The following NHSL1 variants were observed in gnomAD, a reference collection of about 807,000 sequenced individuals.
NHSL1 encodes NHS-like protein 1.
A neutral mutation model predicts 95.0 loss-of-function variants in NHSL1; 48 were observed. The observed-to-expected ratio is 0.51, with a 90% confidence interval of 0.40 to 0.64. The LOEUF is 0.64. Among genes scored for constraint, NHSL1 ranks in the 30% least tolerant of loss-of-function variants. The probability of loss-of-function intolerance (pLI) is 0.00; values close to 1 mark genes in which losing one functional copy is unlikely to be tolerated. For synonymous variants in NHSL1, 783 were observed against 833.9 expected (o/e 0.94, Z 1.05); for missense variants, 1,971 against 2,077.7 (o/e 0.95, Z 1.00).
intron 1 of NHSL1, among the ~76,000 whole-genome samples, chr6:138,544,178 G>A (rs1782692911): frequency 6.6e-6 from 1 of 152,026 alleles, no homozygotes. Context: ...CTGCACTGTG[G>A]AAATTACACT....
intron 3 of NHSL1, chr6:138,464,336 G>A (rs1343238126): frequency 5.4e-6 from 3 of 550,832 alleles, no homozygotes; most frequent in East Asian, 7.8e-5. Context: ...GGAGCTCCAC[G>A]GCCTGGAGGC....
In NHSL1 at chr6:138,433,122, T is replaced by G; in HGVS notation, c.1223A>C (p.Tyr408Ser). Residue 408 changes from tyrosine (Y) to serine (S), a missense_variant, in exon 6 of 8, where the codon TAC (tyrosine) becomes TCC (serine). Tyr to Ser is a moderately radical substitution (Grantham distance 144, BLOSUM62 -2). Around this residue, in one of 3 missense-constraint regions of NHSL1, gnomAD observed 1,602 missense variants for 1,654.5 expected, o/e 0.97. Transcript: ENST00000343505. Reference protein sequence around the residue: ...PACVVSPHATYSTSIIPNATL... With the variant: ...PACVVSPHATSSTSIIPNATL... ...GGCATTTGGGATGATGCTGGTGGAG[T>G]AGGTTGCATGAGGAGAAACCACACA... The G allele has an allele frequency of 6.4e-7, 1 of 1,550,596 alleles. No homozygotes were observed. Among genetic ancestry groups the G allele is most frequent in the Non-Finnish European group, 8.7e-7 (1 of 1,146,862 alleles).
At chr6:138,565,259 A>G (rs963710666) in intron 1 of NHSL1, among the ~76,000 whole-genome samples, 11 of 152,128 alleles carry the variant, frequency 7.2e-5, no homozygotes, top group African/African-American at 2.6e-4. Context: ...GGTATGCCGC[A>G]CTAAACCCGA....
At chr6:138,612,041 C>T (rs140677067) in intron 1 of NHSL1, among the ~76,000 whole-genome samples, 1,461 of 135,760 alleles carry the variant, frequency 0.011, 26 homozygotes, top group African/African-American at 0.038. Flanking sequence ...ACCCAAGAGG[C>T]GGAGGTTGCA....
In NHSL1 at chr6:138,432,393, C is replaced by T. The variant is rs567172429; in HGVS notation, c.1952G>A (p.Arg651Gln). 1.7e-5 allele frequency: 26 copies of T among 1,552,088 alleles called. No homozygotes were observed. Among genetic ancestry groups the T allele is most frequent in the Middle Eastern group, 1.7e-4 (1 of 5,994 alleles). The change falls in exon 6 of 8, where the codon CGG becomes CAG. Residue 651 changes from arginine (R) to glutamine (Q), a missense_variant. Arg to Gln is a conservative substitution (Grantham distance 43). Transcript: ENST00000343505. The surrounding 1 kb of genome is among the most constrained non-coding windows in gnomAD (Gnocchi z 4.4). ...VGRAQKNQGD[R>Q]SNYQDKSLSR... ...TAGGGATTTATCCTGGTAATTGGAC[C>T]GGTCCCCTTGGTTTTTCTGAGCTCT...
chr6:138,538,946 C>T (rs1562357795), intron 1 of NHSL1, among the ~76,000 whole-genome samples: 1 of 152,152 alleles, frequency 6.6e-6, no homozygotes, highest in Admixed American at 6.5e-5. Flanking sequence ...CATGCACCCC[C>T]TCCCCCAAGT....
In NHSL1 at chr6:138,537,408, GTAA is replaced by G. The variant is rs141372463; in HGVS notation, c.16+8212_16+8214del. 7.8e-3 allele frequency among the ~76,000 whole-genome samples: 1,191 copies of G among 152,036 alleles called. 27 individuals carry two copies. The highest frequency in any genetic ancestry group is 0.027 in the East Asian group (141 of 5,152). Reference sequence around the variant, plus strand: ...TCCAGAAAACTTTTTAAAAGTTGGCGTAAATATGCTGTGATGAAAACTGAGAAA... The same window carrying G: ...TCCAGAAAACTTTTTAAAAGTTGGCGATATGCTGTGATGAAAACTGAGAAA... On this transcript the variant is annotated intron_variant, in intron 1 of 4. Coordinates refer to the NHSL1 transcript ENST00000342260.
At chr6:138,683,512 A>T (rs1785539844) in intron 1 of NHSL1, among the ~76,000 whole-genome samples, 1 of 152,248 alleles carries the variant, frequency 6.6e-6, no homozygotes, top group African/African-American at 2.4e-5. Flanking sequence ...TTTCTTGGCC[A>T]TCTGCTAGTA....
chr6:138,597,139 C>T (rs536908430), intron 1 of NHSL1, among the ~76,000 whole-genome samples: 36 of 152,046 alleles, frequency 2.4e-4, no homozygotes, highest in Non-Finnish European at 4.9e-4. Flanking sequence ...CCAGCCTGGG[C>T]GACAGAGTGA....
At chr6:138,652,119 G>A (rs1304407058) in intron 1 of NHSL1, among the ~76,000 whole-genome samples, 7 of 152,096 alleles carry the variant, frequency 4.6e-5, no homozygotes, top group Non-Finnish European at 1.0e-4. Flanking sequence ...TTGCTAAAAT[G>A]TATCAGTAAT....
chr6:138,650,262 A>G, intron 1 of NHSL1: 1 of 647,098 alleles, frequency 1.5e-6, no homozygotes, highest in Non-Finnish European at 2.9e-6. Flanking sequence ...CCAGTGGAAA[A>G]GCAGGCTGGA....
upstream of NHSL1, among the ~76,000 whole-genome samples, chr6:138,501,000 T>G (rs1033570464): frequency 1.3e-4 from 20 of 152,308 alleles, no homozygotes; most frequent in Non-Finnish European, 2.8e-4. Flanking sequence ...AAGTTCCCCT[T>G]TGGAAAACAA....
chr6:138,501,571 AAG>A (rs958134171), upstream of NHSL1, among the ~76,000 whole-genome samples: 152 of 152,072 alleles, frequency 1.0e-3, no homozygotes, highest in East Asian at 2.3e-3. Context: ...TCTCATTTTA[AAG>A]AGAGAGAGAG....
intron 3 of NHSL1, among the ~76,000 whole-genome samples, chr6:138,460,400 A>C (rs13219155): frequency 0.27 from 40,816 of 152,030 alleles, 6,436 homozygotes; most frequent in African/African-American, 0.41. Flanking sequence ...TCTGTGCATT[A>C]AACCAACCAT....
chr6:138,595,156 A>G (rs2114538491), intron 1 of NHSL1, among the ~76,000 whole-genome samples: 1 of 152,350 alleles, frequency 6.6e-6, no homozygotes, highest in South Asian at 2.1e-4. Flanking sequence ...AGAAGATAAA[A>G]AGTGATTTTT....
At chr6:138,638,547 T>C (rs934625440) in intron 1 of NHSL1, among the ~76,000 whole-genome samples, 4 of 152,188 alleles carry the variant, frequency 2.6e-5, no homozygotes, top group African/African-American at 9.6e-5. Flanking sequence ...ACAAGAAAAG[T>C]ATACTTACTG....
At chr6:138,489,867 A>G (rs1583290570) in intron 2 of NHSL1, among the ~76,000 whole-genome samples, 1 of 67,710 alleles carries the variant, frequency 1.5e-5, no homozygotes. Context: ...AGAGAGAGAG[A>G]GAGAGGGAGA....
intron 1 of NHSL1, among the ~76,000 whole-genome samples, chr6:138,515,021 G>A (rs1266847654): frequency 6.6e-6 from 1 of 152,128 alleles, no homozygotes; most frequent in Non-Finnish European, 1.5e-5. Flanking sequence ...GAGATACCAC[G>A]ACAGATCTGA....
At chr6:138,437,361 T>TATATATATACAC (rs1554222031) in intron 5 of NHSL1, among the ~76,000 whole-genome samples, 3 of 54,072 alleles carry the variant, frequency 5.5e-5, no homozygotes, top group Admixed American at 2.2e-4. Flanking sequence ...TATATACACA[T>TATATATATACAC]ATATATATAT....
Sources: allele counts gnomAD v4.1 joint callset (sites outside exome capture counted in the v4.1 genomes callset), GRCh38; gene constraint gnomAD v4.1.1; regional missense constraint gnomAD v4.1.1; non-coding constraint Gnocchi (gnomAD v3.1); transcripts MANE v1.5; gene names NCBI Gene and HGNC (gene_info 2026-07-23, HGNC 2026-07-21).